Variants in ITPR1 observed in about 807,000 individuals in gnomAD.
ITPR1 encodes inositol 1,4,5-trisphosphate receptor type 1.
In ITPR1, 96 loss-of-function variants were observed where a neutral mutation model predicts 318.4. That is an observed-to-expected ratio of 0.30 (90% CI 0.26 to 0.36). The LOEUF is 0.36. Among genes scored for constraint, ITPR1 ranks in the 10% least tolerant of loss-of-function variants. ITPR1 has a pLI of 1.00. For missense variants in ITPR1, 2,440 were observed against 3,460.2 expected (o/e 0.71, Z 7.40); for synonymous variants, 1,312 against 1,289.9 (o/e 1.02, Z -0.37).
rs1304852195 is a variant in ITPR1, at chr3:4,756,067, G to A, written c.5545-10463G>A. 3.9e-5 allele frequency among the ~76,000 whole-genome samples: 6 copies of A among 152,160 alleles called. No homozygotes were observed. In the East Asian group the frequency reaches 9.6e-4, roughly 24 times the overall value. ...GTGAGTGATAATTTATGCCAAGGGA[G>A]GGTCCAATTCTGAATGCCCATTGTA... On this transcript the variant is annotated intron_variant, in intron 44 of 61. Transcript: ENST00000649015.
intron 2 of ITPR1, among the ~76,000 whole-genome samples, chr3:4,506,160 T>C (rs765892156): frequency 3.3e-5 from 5 of 152,228 alleles, no homozygotes; most frequent in Non-Finnish European, 7.3e-5. Flanking sequence ...GGGAGGTAAC[T>C]TGATTGACTT....
At chr3:4,598,608 C>T (rs2091033966) in intron 4 of ITPR1, among the ~76,000 whole-genome samples, 1 of 152,066 alleles carries the variant, frequency 6.6e-6, no homozygotes, top group African/African-American at 2.4e-5. Context: ...GGAGATGGAG[C>T]TAGACCCTGT....
At chr3:4,526,661 C>T (rs183448131) in intron 4 of ITPR1, among the ~76,000 whole-genome samples, 1 of 152,214 alleles carries the variant, frequency 6.6e-6, no homozygotes, top group Non-Finnish European at 1.5e-5. Flanking sequence ...GAGGAACCCA[C>T]CTATGAGGTG....
intron 2 of ITPR1, among the ~76,000 whole-genome samples, chr3:4,508,877 A>C (rs1320237020): frequency 2.0e-5 from 3 of 152,216 alleles, no homozygotes; most frequent in Admixed American, 2.0e-4. Context: ...ATGCTGTCCA[A>C]GTATCAGCCA....
chr3:4,814,087 T>C (rs2049118983), intron 57 of ITPR1, among the ~76,000 whole-genome samples: 1 of 152,200 alleles, frequency 6.6e-6, no homozygotes, highest in Non-Finnish European at 1.5e-5. Flanking sequence ...AAGAGGCCTG[T>C]GACTCAGAGT....
chr3:4,578,274 C>G (rs935477604), intron 4 of ITPR1, among the ~76,000 whole-genome samples: 1 of 152,026 alleles, frequency 6.6e-6, no homozygotes, highest in Non-Finnish European at 1.5e-5. Context: ...TTTTCTGCCA[C>G]TTTTTTTATT....
intron 2 of ITPR1, among the ~76,000 whole-genome samples, chr3:4,499,004 G>A (rs568254333): frequency 3.9e-4 from 59 of 152,186 alleles, no homozygotes; most frequent in Non-Finnish European, 7.6e-4. Context: ...TATTACATAA[G>A]ATATACATAT....
intron 31 of ITPR1, among the ~76,000 whole-genome samples, chr3:4,690,083 C>T (rs937808020): frequency 3.3e-5 from 5 of 152,164 alleles, no homozygotes; most frequent in African/African-American, 1.2e-4. Flanking sequence ...TTGAGACCAG[C>T]CTGGCCAACA....
intron 60 of ITPR1, 142 bp downstream of exon 60, chr3:4,818,384 G>C: frequency 1.6e-6 from 1 of 606,266 alleles, no homozygotes; most frequent in Non-Finnish European, 2.7e-6. Flanking sequence ...ATGGGGCGCT[G>C]TGCTCTGTGA....
Position 4,711,848 on chromosome 3 carries a change from G to C in ITPR1, c.5083G>C (p.Asp1695His). ...GACCCTGAGGGAAATGATGACCAAA[G>C]ATAGAGGCTATGGAGAAAAGGTACT... The part of the protein sequence containing the change: ...LQTLREMMTK[D>H]RGYGEKLISI... Residue 1695 changes from aspartate (D) to histidine (H), a missense_variant, in exon 39 of 62, where the codon GAT becomes CAT. Transcript: ENST00000649015. 6.6e-7 allele frequency: 1 copy of C among 1,520,842 alleles called. No homozygotes were observed. Among genetic ancestry groups the C allele is most frequent in the Non-Finnish European group, 8.9e-7 (1 of 1,124,056 alleles). 94.2% of individuals were successfully genotyped at this position (1,520,842 alleles called of 1,614,324 possible). A position where few individuals can be genotyped will look rare whatever the true frequency, so the allele number is the denominator to read the frequency against.
chr3:4,683,838 G>A (rs1176713521), intron 28 of ITPR1, 40 bp downstream of exon 28: 3 of 1,579,954 alleles, frequency 1.9e-6, no homozygotes. Context: ...GTGGATGGAT[G>A]GGCTTCTCGA....
chr3:4,754,057 G>GC (rs1336296564), intron 44 of ITPR1, among the ~76,000 whole-genome samples: 1 of 130,986 alleles, frequency 7.6e-6, no homozygotes, highest in Non-Finnish European at 1.8e-5. Context: ...ATGGGGGGGG[G>GC]GTGGCAAGGA....
intron 4 of ITPR1, among the ~76,000 whole-genome samples, chr3:4,604,464 A>G (rs1358460732): frequency 1.3e-5 from 2 of 152,146 alleles, no homozygotes; most frequent in African/African-American, 2.4e-5. Flanking sequence ...AGAACTGTCT[A>G]TGTGTCTCCT....
intron 2 of ITPR1, among the ~76,000 whole-genome samples, chr3:4,508,553 G>C (rs1318331547): frequency 6.8e-6 from 1 of 146,286 alleles, no homozygotes; most frequent in African/African-American, 2.5e-5. Flanking sequence ...TGAGTTTTCT[G>C]CCACAGTCAA....
intron 4 of ITPR1, among the ~76,000 whole-genome samples, chr3:4,522,834 T>C (rs2082669632): frequency 6.6e-6 from 1 of 152,222 alleles, no homozygotes; most frequent in African/African-American, 2.4e-5. Context: ...AGGAAGAGAT[T>C]GATACCCTCG....
intron 4 of ITPR1, among the ~76,000 whole-genome samples, chr3:4,552,129 TCTCA>T (rs1575504817): frequency 5.9e-5 from 9 of 152,354 alleles, no homozygotes; most frequent in Admixed American, 6.5e-5. Context: ...TTTTCTAGTC[TCTCA>T]CTCAACAGCA....
At position 4,665,273 on chromosome 3, in the gene ITPR1, C is replaced by T; in HGVS notation, c.1690C>T (p.Gln564Ter). Residue 564 changes from glutamine to a stop codon, truncating the protein, a stop_gained, in exon 17 of 62, where the codon CAG becomes TAG. Coordinates refer to ENST00000649015, the MANE Select transcript of ITPR1 (RefSeq NM_001378452.1). LOFTEE classifies it high-confidence loss of function. The stretch of plus-strand genomic sequence containing the variant: ...CTGCTACAGGGTGCTGAGACACTCG[C>T]AGCAAGACTACAGGAAGAACCAGGT... ...RLCYRVLRHS[Q>*]QDYRKNQEYI... 6.2e-7 allele frequency: 1 copy of T among 1,612,958 alleles called. No homozygotes were observed. The highest frequency in any genetic ancestry group is 8.5e-7 in the Non-Finnish European group (1 of 1,179,048).
chr3:4,645,519 G>A (rs779950820), intron 9 of ITPR1, 49 bp downstream of exon 9: 34 of 1,605,050 alleles, frequency 2.1e-5, no homozygotes, highest in Admixed American at 6.7e-5. Context: ...CTTCTTGGGG[G>A]CAGCAGTCTA....
intron 4 of ITPR1, among the ~76,000 whole-genome samples, chr3:4,593,607 T>C (rs2090563553): frequency 6.6e-6 from 1 of 152,222 alleles, no homozygotes; most frequent in South Asian, 2.1e-4. Context: ...CAGATGCTAA[T>C]GCCTTGGGAG....
Sources: gnomAD v4.1 joint callset for allele counts (sites outside exome capture counted in the v4.1 genomes callset) on GRCh38, gnomAD v4.1.1 for gene constraint, MANE v1.5 for transcripts, NCBI Gene and HGNC (gene_info 2026-07-23, HGNC 2026-07-21) for gene names.